Variants in RAB38 observed in about 807,000 individuals in gnomAD.
RAB38 encodes the protein RAB38, member RAS oncogene family, also known as ras-related protein Rab-38.
RAB38 carries 15 observed loss-of-function variants against 18.4 expected under a neutral mutation model. That is an observed-to-expected ratio of 0.82 (90% CI 0.55 to 1.26). RAB38 has a LOEUF of 1.26. Ranked by LOEUF, RAB38 falls within the 50% of genes most tolerant of loss-of-function variation. The probability of loss-of-function intolerance (pLI) is 0.00; values close to 1 mark genes in which losing one functional copy is unlikely to be tolerated. For synonymous variants in RAB38, 101 were observed against 104.4 expected (o/e 0.97, Z 0.20); for missense variants, 294 against 267.4 (o/e 1.10, Z -0.69).
At chr11:88,151,125 T>C (rs16913378) in intron 1 of RAB38, among the ~76,000 whole-genome samples, 16,043 of 152,202 alleles carry the variant, frequency 0.11, 1,082 homozygotes, top group African/African-American at 0.18. Context: ...TGATTGAATA[T>C]TGTCAAGTTT....
the RAB38 span, among the ~76,000 whole-genome samples, chr11:88,015,999 C>T: frequency 2.0e-5 from 3 of 152,092 alleles, no homozygotes; most frequent in Non-Finnish European, 4.4e-5. Flanking sequence ...CCCTTGTCTT[C>T]AGCTAATATT....
chr11:88,042,543 C>G, the RAB38 span, among the ~76,000 whole-genome samples: 2 of 152,086 alleles, frequency 1.3e-5, no homozygotes, highest in South Asian at 4.2e-4. Context: ...GAGGTTAATT[C>G]CCAGGCACAG....
At chr11:87,895,573 CA>C in the RAB38 span, among the ~76,000 whole-genome samples, 1 of 151,630 alleles carries the variant, frequency 6.6e-6, no homozygotes, top group African/African-American at 2.4e-5. Context: ...TACAGATGAG[CA>C]ACTAAGGCAA....
chr11:87,889,877 C>G, the RAB38 span, among the ~76,000 whole-genome samples: 1 of 151,558 alleles, frequency 6.6e-6, no homozygotes, highest in Non-Finnish European at 1.5e-5. Flanking sequence ...GGGCAGATAC[C>G]GTACCTCTCC....
intron 2 of RAB38, among the ~76,000 whole-genome samples, chr11:88,140,699 C>T (rs1283051396): frequency 2.0e-5 from 3 of 152,016 alleles, no homozygotes; most frequent in African/African-American, 7.3e-5. Flanking sequence ...TGATGGGAGA[C>T]TTGATGCAGT....
chr11:88,120,041 A>T (rs954544656), intron 2 of RAB38, among the ~76,000 whole-genome samples: 2 of 152,168 alleles, frequency 1.3e-5, no homozygotes, highest in African/African-American at 4.8e-5. Context: ...TCTGTTAAGC[A>T]CTTCTGTCCT....
At position 88,118,216 on chromosome 11, in the gene RAB38, G is replaced by A. The variant is rs74802845; in HGVS notation, c.484-4076C>T. On this transcript the variant is annotated intron_variant, in intron 2 of 2. Transcript: ENST00000243662. Reference sequence around the variant, plus strand: ...CCTGGTTCCAGCATGCAAGGTAGGAGCATGCAACCAGGAATCAGGCAAGGC... The same window carrying A: ...CCTGGTTCCAGCATGCAAGGTAGGAACATGCAACCAGGAATCAGGCAAGGC... 9.3e-4 allele frequency among the ~76,000 whole-genome samples: 141 copies of A among 152,352 alleles called. 2 individuals are homozygous for A. Among genetic ancestry groups the A allele is most frequent in the African/African-American group, 3.3e-3 (137 of 41,576 alleles).
chr11:88,155,511 G>A (rs1221054598), intron 1 of RAB38, among the ~76,000 whole-genome samples: 1 of 152,038 alleles, frequency 6.6e-6, no homozygotes, highest in Admixed American at 6.6e-5. Context: ...GCAATAGTAT[G>A]ATAGAGAAAT....
At chr11:88,064,647 T>A in the RAB38 span, among the ~76,000 whole-genome samples, 1 of 152,222 alleles carries the variant, frequency 6.6e-6, no homozygotes, top group Admixed American at 6.5e-5. Context: ...TACCTTAGAT[T>A]TATGTTTTGG....
At chr11:88,056,049 A>C in the RAB38 span, among the ~76,000 whole-genome samples, 2 of 151,932 alleles carry the variant, frequency 1.3e-5, no homozygotes, top group East Asian at 3.9e-4. Context: ...GGGGCAGTTT[A>C]TACATAATAA....
At chr11:87,854,260 A>T in the RAB38 span, among the ~76,000 whole-genome samples, 2 of 152,246 alleles carry the variant, frequency 1.3e-5, no homozygotes, top group Non-Finnish European at 1.5e-5. Flanking sequence ...TAGTGATGTG[A>T]TATCAGATAA....
chr11:87,951,750 C>T, the RAB38 span, among the ~76,000 whole-genome samples: 1 of 151,392 alleles, frequency 6.6e-6, no homozygotes, highest in Non-Finnish European at 1.5e-5. Context: ...CTGATTGTTC[C>T]TCTGGAAGTT....
At chr11:87,888,683 T>C in the RAB38 span, among the ~76,000 whole-genome samples, 11 of 151,930 alleles carry the variant, frequency 7.2e-5, no homozygotes, top group Non-Finnish European at 1.6e-4. Context: ...TCCACACTGC[T>C]GGAAACATGC....
chr11:87,891,949 T>A, the RAB38 span, among the ~76,000 whole-genome samples: 2 of 151,880 alleles, frequency 1.3e-5, no homozygotes, highest in African/African-American at 4.8e-5. Flanking sequence ...TCATGTGATA[T>A]AGTAATTGTT....
chr11:88,106,209 T>C, the RAB38 span, among the ~76,000 whole-genome samples: 5 of 152,118 alleles, frequency 3.3e-5, no homozygotes. Context: ...AACTAACATA[T>C]ATTAAGCACT....
At chr11:87,931,046 G>A in the RAB38 span, among the ~76,000 whole-genome samples, 110 of 152,164 alleles carry the variant, frequency 7.2e-4, no homozygotes, top group Non-Finnish European at 1.4e-3. Flanking sequence ...TTGGCAATGC[G>A]GGTTCTTTTT....
At chr11:87,976,866 T>TA in the RAB38 span, among the ~76,000 whole-genome samples, 6 of 87,596 alleles carry the variant, frequency 6.8e-5, 3 homozygotes, top group African/African-American at 2.6e-4. Flanking sequence ...GTATTATATA[T>TA]TATATGTTAT....
the RAB38 span, among the ~76,000 whole-genome samples, chr11:87,854,129 G>T: frequency 1.3e-3 from 204 of 152,134 alleles, 3 homozygotes; most frequent in East Asian, 0.029. Context: ...ACCTGCAAAG[G>T]TTTTTGTTTT....
the RAB38 span, among the ~76,000 whole-genome samples, chr11:88,067,550 T>A: frequency 6.6e-6 from 1 of 152,230 alleles, no homozygotes; most frequent in East Asian, 1.9e-4. Context: ...GGAAAGACAT[T>A]AAGCTTGGTG....
Sources: allele counts gnomAD v4.1 joint callset (sites outside exome capture counted in the v4.1 genomes callset), GRCh38; gene constraint gnomAD v4.1.1; transcripts MANE v1.5; gene names NCBI Gene and HGNC (gene_info 2026-07-23, HGNC 2026-07-21).